Variants in SLC9C1 observed in about 807,000 individuals in gnomAD.
The protein encoded by SLC9C1 is solute carrier family 9 member C1, also known as sodium/hydrogen exchanger 10.
Under a neutral mutation model 140.9 loss-of-function variants are expected in SLC9C1, and 97 were observed. The observed-to-expected ratio is 0.69, with a 90% CI of 0.58 to 0.82. The LOEUF is 0.82. SLC9C1 is among the 40% of genes least tolerant of loss of function. The pLI, the probability that SLC9C1 is intolerant of heterozygous loss-of-function variation, is 0.00. For missense variants in SLC9C1, 1,340 were observed against 1,389.3 expected (o/e 0.96, Z 0.56); for synonymous variants, 440 against 442.6 (o/e 0.99, Z 0.07).
rs555644226 is a variant in SLC9C1, at chr3:112,215,675, A to G, written c.1790+1767T>C. The stretch of plus-strand genomic sequence containing the variant: ...GATGTGAAGGACCTCTTCAAGAAGA[A>G]CTACAAACCACTGCTCAACAAAATA... On this transcript the variant is annotated intron_variant, in intron 15 of 28. Transcript: ENST00000305815. 7.9e-5 allele frequency among the ~76,000 whole-genome samples: 12 copies of G among 152,312 alleles called. No homozygotes were observed. In the South Asian group the frequency reaches 2.5e-3, roughly 32 times the overall value.
At chr3:112,185,419 G>A in intron 20 of SLC9C1, 1 of 1,246,354 alleles carries the variant, frequency 8.0e-7, no homozygotes, top group Non-Finnish European at 1.1e-6. Context: ...GGCACTCAGG[G>A]GTGGGGGGGT....
At chr3:112,230,210 T>C (rs2078784588) in intron 13 of SLC9C1, among the ~76,000 whole-genome samples, 1 of 152,154 alleles carries the variant, frequency 6.6e-6, no homozygotes, top group South Asian at 2.1e-4. Context: ...TGACTGACAA[T>C]TTTTTCCTCT....
At chr3:112,184,847 G>T (rs1026145790) in intron 20 of SLC9C1, among the ~76,000 whole-genome samples, 1 of 152,100 alleles carries the variant, frequency 6.6e-6, no homozygotes, top group Non-Finnish European at 1.5e-5. Context: ...TAGTGACTGG[G>T]TCCCTAAAGA....
intron 10 of SLC9C1, among the ~76,000 whole-genome samples, chr3:112,256,150 AAAG>A (rs2079600977): frequency 6.6e-6 from 1 of 152,224 alleles, no homozygotes; most frequent in East Asian, 1.9e-4. Context: ...CCAGATACAC[AAAG>A]AAGAGTTGGT....
Position 112,151,868 on chromosome 3 carries a change from T to C in SLC9C1, c.3513A>G (p.Leu1171=). The C allele has an allele frequency of 6.2e-7, 1 of 1,612,582 alleles. No homozygotes were observed. The highest frequency in any genetic ancestry group is 2.2e-5 in the East Asian group (1 of 44,852). ...FNCKESPRIN[L]RKVRKE ...CCAGAGTGGCTTACCTGACTTTCCT[T>C]AGGTTTATTCTAGGGGACTCCTTAC... The change falls in exon 28 of 29, where the codon CTA becomes CTG. Residue 1171 remains leucine (L), a synonymous_variant. Coordinates refer to ENST00000305815, the MANE Select transcript of SLC9C1 (RefSeq NM_183061.3).
At position 112,278,752 on chromosome 3, in the gene SLC9C1, T is replaced by C. The variant is rs766679401; in HGVS notation, c.295A>G (p.Met99Val). ...FTTAFDMDTY[M>V]LQKLFWQILL... ...ACCTGCCAAAATAACTTTTGAAGCA[T>C]GTACGTATCCATGTCAAATGCAGTA... is the stretch of plus-strand genomic sequence containing the variant. The change falls in exon 4 of 29, where the codon ATG becomes GTG. Residue 99 changes from methionine (M) to valine (V), a missense_variant. Transcript: ENST00000305815. The C allele has an allele frequency of 6.2e-7, 1 of 1,608,052 alleles. No individual in the cohort carries two copies. Among genetic ancestry groups the C allele is most frequent in the East Asian group, 2.2e-5 (1 of 44,668 alleles).
At chr3:112,153,213 T>G (rs999630569) in intron 27 of SLC9C1, among the ~76,000 whole-genome samples, 1 of 152,222 alleles carries the variant, frequency 6.6e-6, no homozygotes, top group Non-Finnish European at 1.5e-5. Context: ...AACTTTCATT[T>G]TCACACTCCT....
At chr3:112,152,915 T>C (rs1299196310) in intron 27 of SLC9C1, among the ~76,000 whole-genome samples, 1 of 152,206 alleles carries the variant, frequency 6.6e-6, no homozygotes, top group East Asian at 1.9e-4. Flanking sequence ...GAATTTTTCT[T>C]AGTACAGATC....
In SLC9C1 at chr3:112,286,769, A is replaced by G; in HGVS notation, c.23T>C (p.Phe8Ser). The G allele has an allele frequency of 6.2e-7, 1 of 1,612,794 alleles. No individual in the cohort carries two copies. The highest frequency in any genetic ancestry group is 8.5e-7 in the Non-Finnish European group (1 of 1,179,508). The change falls in exon 2 of 29, where the codon TTT becomes TCT. Residue 8 changes from phenylalanine (F) to serine (S), a missense_variant. Phe to Ser is a radical substitution (Grantham distance 155). Transcript: ENST00000305815. The stretch of plus-strand genomic sequence containing the variant: ...AGGGAGGTCCTCAGTACTGAAAAAA[A>G]ACTCCTTAAATATTCCAGCCATGTT... MAGIFKE[F>S]FFSTEDLPEV...
intron 20 of SLC9C1, among the ~76,000 whole-genome samples, chr3:112,196,609 A>G (rs1362848046): frequency 6.6e-6 from 1 of 152,014 alleles, no homozygotes; most frequent in African/African-American, 2.4e-5. Context: ...ATTTCCAGTG[A>G]CCTATCCTCA....
intron 11 of SLC9C1, 116 bp downstream of exon 11, chr3:112,243,879 C>CG (rs1249747581): frequency 1.4e-5 from 9 of 634,094 alleles, no homozygotes; most frequent in Non-Finnish European, 2.3e-5. Flanking sequence ...TTTGTAGAGA[C>CG]GGGGGTCTCA....
At chr3:112,178,895 A>G (rs951588832) in intron 23 of SLC9C1, among the ~76,000 whole-genome samples, 1 of 152,202 alleles carries the variant, frequency 6.6e-6, no homozygotes, top group Non-Finnish European at 1.5e-5. Context: ...CAATTAAAAA[A>G]CTACTTTGAA....
In SLC9C1 at chr3:112,169,029, TAGAG is replaced by T; in HGVS notation, c.3081_3084del (p.Ser1028IlefsTer4). 6.3e-7 allele frequency: 1 copy of T among 1,597,756 alleles called. No homozygotes were observed. Among genetic ancestry groups the T allele is most frequent in the Non-Finnish European group, 8.5e-7 (1 of 1,175,198 alleles). Reference sequence around the variant, plus strand: ...ATTGGTATATCTACTACATAAATATTAGAGAGCTTTAGTTGCATATTGTAGTTCC... The same window carrying T: ...ATTGGTATATCTACTACATAAATATTAGCTTTAGTTGCATATTGTAGTTCC... On this transcript the variant is annotated frameshift_variant, in exon 25 of 29. Transcript: ENST00000305815. LOFTEE classifies it high-confidence loss of function.
intron 2 of SLC9C1, among the ~76,000 whole-genome samples, chr3:112,285,683 A>G (rs1207046573): frequency 1.3e-5 from 2 of 152,214 alleles, no homozygotes; most frequent in Non-Finnish European, 2.9e-5. Flanking sequence ...GAGTCCGCAT[A>G]TTTAACCAGA....
chr3:112,275,366 AT>A (rs1477095181), intron 5 of SLC9C1, among the ~76,000 whole-genome samples: 2 of 152,186 alleles, frequency 1.3e-5, no homozygotes, highest in Non-Finnish European at 2.9e-5. Flanking sequence ...AATAAAGTAA[AT>A]TTACAAACCA....
chr3:112,210,139 C>T (rs73219938), intron 15 of SLC9C1, among the ~76,000 whole-genome samples: 4,669 of 152,272 alleles, frequency 0.031, 107 homozygotes, highest in Middle Eastern at 0.041. Context: ...AGAATTACCA[C>T]ACAGTCCTGC....
intron 14 of SLC9C1, among the ~76,000 whole-genome samples, chr3:112,220,206 T>A (rs1191491714): frequency 1.3e-5 from 2 of 152,252 alleles, no homozygotes; most frequent in Non-Finnish European, 2.9e-5. Flanking sequence ...TAATGATTTG[T>A]ATGACTAGGC....
chr3:112,279,305 A>G (rs1265454630), intron 3 of SLC9C1, among the ~76,000 whole-genome samples: 1 of 152,170 alleles, frequency 6.6e-6, no homozygotes, highest in Non-Finnish European at 1.5e-5. Context: ...CTTCCAGACT[A>G]TCTTTTCATG....
chr3:112,233,612 G>A (rs56135565), intron 12 of SLC9C1, among the ~76,000 whole-genome samples: 30,342 of 149,912 alleles, frequency 0.2, 3,480 homozygotes, highest in Middle Eastern at 0.26. Flanking sequence ...GGTATCTCTC[G>A]TAATGCTATC....
Sources: gnomAD v4.1 joint callset for allele counts (sites outside exome capture counted in the v4.1 genomes callset) on GRCh38, gnomAD v4.1.1 for gene constraint, MANE v1.5 for transcripts, NCBI Gene and HGNC (gene_info 2026-07-23, HGNC 2026-07-21) for gene names.